Variants in GPC6 observed in about 807,000 individuals in gnomAD.
GPC6 encodes glypican 6, also known as glypican-6.
In GPC6, 14 loss-of-function variants were observed where a neutral mutation model predicts 55.2. That is an observed-to-expected ratio of 0.25 (90% CI 0.17 to 0.40). GPC6 has a LOEUF of 0.40. GPC6 is among the 10% of genes least tolerant of loss of function. The pLI is 1.00. For missense variants in GPC6, 641 were observed against 708.5 expected, an observed-to-expected ratio of 0.90 and a Z score of 1.08; for synonymous variants, 278 against 259.6, an observed-to-expected ratio of 1.07 and a Z score of -0.68.
intron 1 of GPC6, among the ~76,000 whole-genome samples, chr13:93,483,787 T>C (rs1298402370): frequency 6.6e-6 from 1 of 152,168 alleles, no homozygotes; most frequent in Non-Finnish European, 1.5e-5. Context: ...CATTGTGCTA[T>C]TAGCCCACAG....
At chr13:93,343,912 C>T (rs893016989) in intron 1 of GPC6, among the ~76,000 whole-genome samples, 3 of 152,154 alleles carry the variant, frequency 2.0e-5, no homozygotes, top group Non-Finnish European at 2.9e-5. Flanking sequence ...TTCTTTCTTC[C>T]TCTCTTTGGA....
intron 4 of GPC6, among the ~76,000 whole-genome samples, chr13:94,050,398 A>G (rs1384737008): frequency 6.6e-6 from 1 of 152,146 alleles, no homozygotes; most frequent in African/African-American, 2.4e-5. Context: ...TGAAAACTCT[A>G]TCGTGCTTCC....
intron 1 of GPC6, among the ~76,000 whole-genome samples, chr13:93,443,937 G>T (rs1473915782): frequency 1.3e-5 from 2 of 152,158 alleles, no homozygotes; most frequent in Non-Finnish European, 2.9e-5. Context: ...TGTAAAAATA[G>T]AAATCATTTA....
intron 4 of GPC6, among the ~76,000 whole-genome samples, chr13:94,255,953 C>T (rs2139043604): frequency 6.6e-6 from 1 of 152,222 alleles, no homozygotes; most frequent in East Asian, 1.9e-4. Flanking sequence ...TGAGAATCTA[C>T]AGGAAATGCA....
chr13:93,486,449 A>G (rs1260548107), intron 1 of GPC6, among the ~76,000 whole-genome samples: 1 of 152,180 alleles, frequency 6.6e-6, no homozygotes. Flanking sequence ...TGAAGAATTT[A>G]TTTTCTAACC....
chr13:93,851,478 A>T (rs1421037513), intron 3 of GPC6, among the ~76,000 whole-genome samples: 1 of 151,858 alleles, frequency 6.6e-6, no homozygotes, highest in East Asian at 1.9e-4. Flanking sequence ...TATAGGCTGA[A>T]AAGTGATCAC....
intron 3 of GPC6, among the ~76,000 whole-genome samples, chr13:93,909,637 C>G (rs75566419): frequency 0.019 from 2,907 of 152,142 alleles, 43 homozygotes; most frequent in East Asian, 0.054. Context: ...TTAAGGAGAT[C>G]CTAGTTATTG....
upstream of GPC6, chr13:93,226,553 G>A (rs1232414427): frequency 2.6e-5 from 4 of 152,164 alleles, no homozygotes; most frequent in African/African-American, 9.7e-5. Context: ...TTGGAACTGC[G>A]TTATCCTTTA....
At chr13:93,642,154 C>T (rs181047776) in intron 2 of GPC6, among the ~76,000 whole-genome samples, 11 of 152,200 alleles carry the variant, frequency 7.2e-5, no homozygotes, top group Admixed American at 6.6e-4. Context: ...CTCCCTCCTT[C>T]TCTAGTAATC....
At chr13:93,677,857 A>G (rs1281624027) in intron 2 of GPC6, among the ~76,000 whole-genome samples, 1 of 152,156 alleles carries the variant, frequency 6.6e-6, no homozygotes, top group Non-Finnish European at 1.5e-5. Context: ...TGGGTGGCCC[A>G]TGGGATAAAA....
intron 4 of GPC6, among the ~76,000 whole-genome samples, chr13:94,273,418 C>T (rs987640034): frequency 6.6e-6 from 1 of 152,166 alleles, no homozygotes; most frequent in African/African-American, 2.4e-5. Flanking sequence ...TTCAGGATCA[C>T]AGTGCCCATG....
intron 4 of GPC6, among the ~76,000 whole-genome samples, chr13:94,107,053 C>T (rs1230576360): frequency 6.6e-6 from 1 of 152,040 alleles, no homozygotes; most frequent in Non-Finnish European, 1.5e-5. Context: ...GGTATCAGAT[C>T]AAGGGCATGA....
At chr13:93,631,013 T>C (rs1488622246) in intron 2 of GPC6, among the ~76,000 whole-genome samples, 1 of 152,126 alleles carries the variant, frequency 6.6e-6, no homozygotes, top group Non-Finnish European at 1.5e-5. Context: ...ACTGCACACA[T>C]ACAGTAGTCC....
intron 6 of GPC6, among the ~76,000 whole-genome samples, chr13:94,311,109 C>T (rs1185782597): frequency 6.6e-6 from 1 of 152,166 alleles, no homozygotes; most frequent in Non-Finnish European, 1.5e-5. Context: ...AGATTACCCC[C>T]AATATGGGGC....
In GPC6 at chr13:93,644,841, G is replaced by A. The variant is rs542449049; in HGVS notation, c.319+99420G>A. ...GCCCATAAACTGACATTTTATTCCT[G>A]TATTTTTTCCCTGAAATTAAGGAGT... On this transcript the variant is annotated intron_variant, in intron 2 of 8. Transcript: ENST00000377047. Among the ~76,000 whole-genome samples, 34 of 152,010 alleles carry A rather than the reference G, an allele frequency of 2.2e-4. No homozygotes were observed. In the South Asian group the frequency reaches 6.4e-3, roughly 29 times the overall value.
intron 2 of GPC6, among the ~76,000 whole-genome samples, chr13:93,777,721 G>A (rs1885514853): frequency 6.6e-6 from 1 of 152,122 alleles, no homozygotes; most frequent in Non-Finnish European, 1.5e-5. Flanking sequence ...AAGGGTTATT[G>A]CTAATGCCTG....
chr13:94,355,325 G>A (rs1483764039), intron 6 of GPC6, among the ~76,000 whole-genome samples: 1 of 151,988 alleles, frequency 6.6e-6, no homozygotes, highest in Non-Finnish European at 1.5e-5. Context: ...GCCCGGCCGT[G>A]GCTCTTCTCT....
chr13:93,474,551 GA>G (rs1879236648), intron 1 of GPC6, among the ~76,000 whole-genome samples: 1 of 152,098 alleles, frequency 6.6e-6, no homozygotes, highest in Admixed American at 6.5e-5. Flanking sequence ...GGAGGGCAGA[GA>G]AAAAACATAG....
chr13:93,249,830 G>T (rs187578819), intron 1 of GPC6, among the ~76,000 whole-genome samples: 1 of 152,146 alleles, frequency 6.6e-6, no homozygotes, highest in African/African-American at 2.4e-5. Context: ...ATATACATAT[G>T]TTGCAACTCT....
Sources: gnomAD v4.1 joint callset for allele counts (sites outside exome capture counted in the v4.1 genomes callset) on GRCh38, gnomAD v4.1.1 for gene constraint, MANE v1.5 for transcripts, NCBI Gene and HGNC (gene_info 2026-07-23, HGNC 2026-07-21) for gene names.